GABRB1: variants seen among roughly 807,000 people sequenced by gnomAD.
GABRB1 encodes the protein gamma-aminobutyric acid receptor subunit beta-1.
A neutral mutation model predicts 51.6 loss-of-function variants in GABRB1; 17 were observed. That is an observed-to-expected ratio of 0.33 (90% confidence interval 0.23 to 0.49). The LOEUF is 0.49. Ranked by LOEUF, GABRB1 falls within the 20% of genes least tolerant of loss-of-function variation. The pLI, the probability that GABRB1 is intolerant of heterozygous loss-of-function variation, is 0.99. For missense variants in GABRB1, 410 were observed against 600.6 expected, an observed-to-expected ratio of 0.68 and a Z score of 3.32; for synonymous variants, 247 against 218.9, an observed-to-expected ratio of 1.13 and a Z score of -1.14.
chr4:47,199,421 C>A (rs1359502996), intron 4 of GABRB1, among the ~76,000 whole-genome samples: 1 of 152,024 alleles, frequency 6.6e-6, no homozygotes, highest in Non-Finnish European at 1.5e-5. Context: ...TAGCAGAAGT[C>A]AGGAATAAAG....
chr4:47,246,337 CATATATATATATATATATATATAT>C (rs60968247), intron 4 of GABRB1, among the ~76,000 whole-genome samples: 1,624 of 53,100 alleles, frequency 0.031, 72 homozygotes, highest in Middle Eastern at 0.045. Context: ...CACATATGTA[CATATATATATATATATATATATAT>C]ATATATATAT....
chr4:47,269,809 A>G (rs181581084), intron 4 of GABRB1, among the ~76,000 whole-genome samples: 3 of 152,224 alleles, frequency 2.0e-5, no homozygotes, highest in Non-Finnish European at 4.4e-5. Flanking sequence ...CTGAGATGCA[A>G]GAGGAACTCC....
At chr4:47,075,947 G>A (rs1257670868) in intron 3 of GABRB1, among the ~76,000 whole-genome samples, 3 of 152,142 alleles carry the variant, frequency 2.0e-5, no homozygotes, top group African/African-American at 7.2e-5. Context: ...TATAGCTGTA[G>A]ATGAGAATCC....
At chr4:47,391,484 G>A (rs747814787) in intron 5 of GABRB1, among the ~76,000 whole-genome samples, 2 of 152,154 alleles carry the variant, frequency 1.3e-5, no homozygotes, top group Non-Finnish European at 2.9e-5. Flanking sequence ...AACTGCAAGC[G>A]GCAAACCATC....
intron 3 of GABRB1, among the ~76,000 whole-genome samples, chr4:47,151,618 G>T (rs1717461137): frequency 6.6e-6 from 1 of 151,922 alleles, no homozygotes; most frequent in South Asian, 2.1e-4. Flanking sequence ...TATCCGATTA[G>T]ATCTTCCATG....
At chr4:47,028,989 G>A (rs1229013870), upstream of GABRB1, among the ~76,000 whole-genome samples, 2 of 151,024 alleles carry the variant, frequency 1.3e-5, no homozygotes, top group South Asian at 2.1e-4. Context: ...CTCTTGTTTC[G>A]TTTTTGCTCA....
chr4:47,030,142 C>T (rs929989843), upstream of GABRB1, among the ~76,000 whole-genome samples: 1 of 152,054 alleles, frequency 6.6e-6, no homozygotes, highest in African/African-American at 2.4e-5. Flanking sequence ...TGAGTCTTCC[C>T]AATTACCCAT....
chr4:47,122,817 A>G (rs932631030), intron 3 of GABRB1, among the ~76,000 whole-genome samples: 1 of 152,220 alleles, frequency 6.6e-6, no homozygotes, highest in Non-Finnish European at 1.5e-5. Flanking sequence ...GGAAACAAGT[A>G]GAAAGGAGCA....
At chr4:47,420,411 C>T (rs1300639966) in intron 8 of GABRB1, among the ~76,000 whole-genome samples, 1 of 152,106 alleles carries the variant, frequency 6.6e-6, no homozygotes, top group African/African-American at 2.4e-5. Flanking sequence ...GAATAATTAT[C>T]CCACAGAAGA....
intron 4 of GABRB1, among the ~76,000 whole-genome samples, chr4:47,305,720 C>A (rs1194663771): frequency 6.6e-6 from 1 of 152,124 alleles, no homozygotes; most frequent in Non-Finnish European, 1.5e-5. Context: ...TGAAGGAACT[C>A]ATTTTGAAAG....
At chr4:47,271,578 A>G (rs930448520) in intron 4 of GABRB1, among the ~76,000 whole-genome samples, 2 of 152,198 alleles carry the variant, frequency 1.3e-5, no homozygotes, top group Non-Finnish European at 2.9e-5. Flanking sequence ...CACAAATGCT[A>G]TAAACCCCAG....
At chr4:47,205,025 C>T (rs1024598176) in intron 4 of GABRB1, among the ~76,000 whole-genome samples, 2 of 152,074 alleles carry the variant, frequency 1.3e-5, no homozygotes, top group Admixed American at 6.6e-5. Context: ...CTGTGCATTC[C>T]CTCCAATCAC....
chr4:47,319,410 C>T (rs902684586), intron 4 of GABRB1, among the ~76,000 whole-genome samples: 1 of 151,936 alleles, frequency 6.6e-6, no homozygotes, highest in Non-Finnish European at 1.5e-5. Flanking sequence ...AGAGGAAAAG[C>T]TTTAATTTTT....
chr4:47,274,344 T>C (rs1722991319), intron 4 of GABRB1, among the ~76,000 whole-genome samples: 1 of 152,172 alleles, frequency 6.6e-6, no homozygotes, highest in Admixed American at 6.5e-5. Flanking sequence ...CAATTAGTAA[T>C]TAAATTACTT....
chr4:47,214,143 C>T (rs537143550), intron 4 of GABRB1, among the ~76,000 whole-genome samples: 86 of 152,204 alleles, frequency 5.7e-4, no homozygotes, highest in African/African-American at 1.9e-3. Flanking sequence ...GGTTGTTCTC[C>T]ATCTGTGGGA....
In GABRB1 at chr4:47,080,206, T is replaced by C. The variant is rs1351956998; in HGVS notation, c.240+47722T>C. Among the ~76,000 whole-genome samples, 3 of 151,710 alleles carry C rather than the reference T, an allele frequency of 2.0e-5. No individual in the cohort carries two copies. In the South Asian group the frequency reaches 6.3e-4, roughly 32 times the overall value. On this transcript the variant is annotated intron_variant, in intron 3 of 8. Transcript: ENST00000295454. The stretch of plus-strand genomic sequence containing the variant: ...AGCTCAAAGGCAAAGCATTCTGGGA[T>C]AAGGCTTTGTCAAGGCAGTGAGAAA...
chr4:47,125,349 A>G (rs1372489), intron 3 of GABRB1, among the ~76,000 whole-genome samples: 2,724 of 152,184 alleles, frequency 0.018, 91 homozygotes, highest in African/African-American at 0.063. Flanking sequence ...AATGATGCTA[A>G]TTATTTTATG....
chr4:47,169,674 T>C (rs968825295), intron 4 of GABRB1, among the ~76,000 whole-genome samples: 18 of 152,214 alleles, frequency 1.2e-4, no homozygotes, highest in Non-Finnish European at 2.5e-4. Context: ...GCTAATTTTT[T>C]GTATTTTTGT....
intron 4 of GABRB1, among the ~76,000 whole-genome samples, chr4:47,281,257 A>T (rs1456916633): frequency 6.6e-6 from 1 of 152,260 alleles, no homozygotes; most frequent in African/African-American, 2.4e-5. Flanking sequence ...CATTTCTCAA[A>T]AGAAGAGATT....
Sources: gnomAD v4.1 joint callset for allele counts (sites outside exome capture counted in the v4.1 genomes callset) on GRCh38, gnomAD v4.1.1 for gene constraint, MANE v1.5 for transcripts, NCBI Gene and HGNC (gene_info 2026-07-23, HGNC 2026-07-21) for gene names.